Variants in SORL1 observed in about 807,000 individuals in gnomAD.
SORL1 encodes the protein sortilin-related receptor.
In SORL1, 127 loss-of-function variants were observed where a neutral mutation model predicts 273.7. That is an observed-to-expected ratio of 0.46 (90% CI 0.40 to 0.54). SORL1 has a LOEUF of 0.54. Among genes scored for constraint, SORL1 ranks in the 20% least tolerant of loss-of-function variants. SORL1 has a pLI of 0.00. For synonymous variants in SORL1, 1,031 were observed against 1,067.4 expected (o/e 0.97, Z 0.66); for missense variants, 2,494 against 2,846.1 (o/e 0.88, Z 2.81).
intron 1 of SORL1, among the ~76,000 whole-genome samples, chr11:121,454,449 T>TCTGTTCTC (rs1247422099): frequency 2.0e-5 from 3 of 152,246 alleles, no homozygotes; most frequent in African/African-American, 7.2e-5. Flanking sequence ...GGACATGAAC[T>TCTGTTCTC]CTGTTCTCAC....
chr11:121,511,070 G>A (rs893705847), intron 6 of SORL1, among the ~76,000 whole-genome samples: 5 of 152,008 alleles, frequency 3.3e-5, no homozygotes, highest in Non-Finnish European at 7.4e-5. Context: ...ATATTTCTTG[G>A]TGGAAGTAAA....
chr11:121,567,991 C>T (rs1862778005), intron 22 of SORL1, among the ~76,000 whole-genome samples: 1 of 152,154 alleles, frequency 6.6e-6, no homozygotes, highest in Non-Finnish European at 1.5e-5. Context: ...AACTCAAACT[C>T]CTGGGCTCAA....
chr11:121,581,455 T>C (rs977243899), intron 25 of SORL1, among the ~76,000 whole-genome samples: 1 of 152,182 alleles, frequency 6.6e-6, no homozygotes, highest in Non-Finnish European at 1.5e-5. Context: ...ACCATTCTTA[T>C]AGTTACAATG....
intron 39 of SORL1, 153 bp from the exon 40 acceptor site, chr11:121,612,583 C>A (rs529578367): frequency 1.9e-4 from 105 of 567,358 alleles, no homozygotes; most frequent in Non-Finnish European, 3.3e-4. Context: ...ACAAGTAGAA[C>A]CTGTTTAAAA....
intron 45 of SORL1, among the ~76,000 whole-genome samples, chr11:121,622,515 C>G (rs1264929283): frequency 6.6e-6 from 1 of 152,212 alleles, no homozygotes; most frequent in Non-Finnish European, 1.5e-5. Flanking sequence ...GACTTGTCTT[C>G]CCCTGAAGAA....
chr11:121,511,274 G>A (rs944568550), intron 6 of SORL1, among the ~76,000 whole-genome samples: 2 of 152,016 alleles, frequency 1.3e-5, no homozygotes, highest in African/African-American at 4.8e-5. Flanking sequence ...AGGCCTCCCA[G>A]CAGCAATCGT....
chr11:121,521,366 G>T (rs983427595), intron 9 of SORL1, among the ~76,000 whole-genome samples: 16 of 152,294 alleles, frequency 1.1e-4, no homozygotes, highest in Middle Eastern at 3.4e-3. Context: ...TCCCTCAATA[G>T]TGTCTTCTAC....
chr11:121,557,799 C>T (rs1001078302), intron 19 of SORL1, among the ~76,000 whole-genome samples: 9 of 152,290 alleles, frequency 5.9e-5, no homozygotes, highest in East Asian at 5.8e-4. Flanking sequence ...GGTTTTCTTA[C>T]GTACAATCAG....
chr11:121,469,912 C>A (rs1189665619), intron 1 of SORL1, 95 bp from the exon 2 acceptor site: 8 of 911,212 alleles, frequency 8.8e-6, no homozygotes, highest in Non-Finnish European at 1.8e-6. Context: ...GAATCTTCAT[C>A]ATTTCTGCTT....
At chr11:121,580,577 A>C (rs1862998413) in intron 25 of SORL1, among the ~76,000 whole-genome samples, 1 of 143,182 alleles carries the variant, frequency 7.0e-6, no homozygotes, top group African/African-American at 2.6e-5. Flanking sequence ...AATTGTGATG[A>C]TAGTCATTTT....
chr11:121,475,465 A>G (rs1486597783), intron 2 of SORL1, among the ~76,000 whole-genome samples: 2 of 152,096 alleles, frequency 1.3e-5, no homozygotes, highest in African/African-American at 4.8e-5. Flanking sequence ...TGTAGGTGAG[A>G]ATTAGGGAAG....
At position 121,579,528 on chromosome 11, in the gene SORL1, G is replaced by A. The variant is rs1032940623; in HGVS notation, c.3580+2128G>A. Among the ~76,000 whole-genome samples, 3 of 152,082 alleles carry A rather than the reference G, an allele frequency of 2.0e-5. No individual in the cohort carries two copies. The South Asian group carries it at 6.2e-4, about 32-fold the overall frequency. On this transcript the variant is annotated intron_variant, in intron 25 of 47. Coordinates refer to ENST00000260197, the MANE Select transcript of SORL1 (RefSeq NM_003105.6). The stretch of plus-strand genomic sequence containing the variant: ...CAACCCACCGCTATTGTTTTTAAAC[G>A]TGTACATCTGATTTCTGTGTGTTTT...
intron 6 of SORL1, among the ~76,000 whole-genome samples, chr11:121,509,523 C>T (rs974074782): frequency 6.6e-6 from 1 of 152,084 alleles, no homozygotes; most frequent in African/African-American, 2.4e-5. Context: ...TGTTGCCAGG[C>T]TGGAGTGCAG....
chr11:121,632,547 C>A lies in SORL1; in HGVS notation c.*2984C>A, dbSNP rs979886943. 2 of 151,618 alleles carry A rather than the reference C, an allele frequency of 1.3e-5. No homozygotes were observed. The highest frequency in any genetic ancestry group is 4.9e-5 in the African/African-American group (2 of 41,186). The allele number at this position is 151,618 out of a possible 1,614,324, so 9.4% of individuals were successfully genotyped here. ...ACCAGGGATATTTGGGTGGGACAGA[C>A]AGAAGACACACAGCTGCCTGTTCTC... On this transcript the variant is annotated 3_prime_UTR_variant, in exon 48 of 48. Transcript: ENST00000260197.
chr11:121,452,636 G>A lies in SORL1; in HGVS notation c.285+20G>A. 1.4e-6 allele frequency: 2 copies of A among 1,439,228 alleles called. No individual in the cohort carries two copies. Among genetic ancestry groups the A allele is most frequent in the Non-Finnish European group, 1.8e-6 (2 of 1,099,318 alleles). The allele number at this position is 1,439,228 out of a possible 1,614,324, so 89.2% of individuals were successfully genotyped here. A position where few individuals can be genotyped will look rare whatever the true frequency, so the allele number is the denominator to read the frequency against. ...GGACAGGTGAGCAGTTTTGCAACCC[G>A]CCTCCCTCCAGTTTTTTCCTCTCCC... On this transcript the variant is annotated intron_variant, in intron 1 of 47. Transcript: ENST00000260197. This position sits in a 1 kb window ranked among gnomAD's most constrained non-coding sequence, Gnocchi z 5.3.
At chr11:121,572,195 A>C (rs1468619300) in intron 23 of SORL1, among the ~76,000 whole-genome samples, 1 of 152,186 alleles carries the variant, frequency 6.6e-6, no homozygotes, top group Non-Finnish European at 1.5e-5. Context: ...GTTTCTACTA[A>C]ATGGACAAGC....
intron 2 of SORL1, among the ~76,000 whole-genome samples, chr11:121,471,608 C>T (rs1263425086): frequency 6.6e-6 from 1 of 152,210 alleles, no homozygotes; most frequent in African/African-American, 2.4e-5. Context: ...CCAGCACTTT[C>T]ACACTAGCCT....
chr11:121,473,856 C>T (rs552414912), intron 2 of SORL1, among the ~76,000 whole-genome samples: 1 of 151,948 alleles, frequency 6.6e-6, no homozygotes, highest in Admixed American at 6.5e-5. Flanking sequence ...GATCGTGCCA[C>T]TGCACTCCAG....
chr11:121,598,949 A>G (rs1425248946), intron 32 of SORL1, among the ~76,000 whole-genome samples: 2 of 151,892 alleles, frequency 1.3e-5, no homozygotes, highest in East Asian at 3.9e-4. Context: ...TGCTACCTAG[A>G]GGTCTTTTTT....
Sources: allele counts gnomAD v4.1 joint callset (sites outside exome capture counted in the v4.1 genomes callset), GRCh38; gene constraint gnomAD v4.1.1; non-coding constraint Gnocchi (gnomAD v3.1); transcripts MANE v1.5; gene names NCBI Gene and HGNC (gene_info 2026-07-23, HGNC 2026-07-21).